PTPRT: variants seen among roughly 807,000 people sequenced by gnomAD.
PTPRT encodes receptor-type tyrosine-protein phosphatase T.
A neutral mutation model predicts 176.8 loss-of-function variants in PTPRT; 56 were observed. The observed-to-expected ratio is 0.32, with a 90% CI of 0.26 to 0.40. PTPRT has a LOEUF of 0.40. Ranked by LOEUF, PTPRT falls within the 10% of genes least tolerant of loss-of-function variation. PTPRT has a pLI of 1.00. For missense variants in PTPRT, 1,540 were observed against 1,908.2 expected, an observed-to-expected ratio of 0.81 and a Z score of 3.60; for synonymous variants, 783 against 739.0, an observed-to-expected ratio of 1.06 and a Z score of -0.96.
intron 7 of PTPRT, among the ~76,000 whole-genome samples, chr20:42,498,164 A>G (rs1461434181): frequency 1.3e-5 from 2 of 152,202 alleles, no homozygotes; most frequent in Admixed American, 1.3e-4. Context: ...GATGTACTGG[A>G]AAGATGAACT....
chr20:42,424,237 T>G (rs2059143887), intron 9 of PTPRT, among the ~76,000 whole-genome samples: 1 of 152,228 alleles, frequency 6.6e-6, no homozygotes, highest in Admixed American at 6.5e-5. Flanking sequence ...AAAACCTTTT[T>G]GTCCCCAGCT....
intron 6 of PTPRT, among the ~76,000 whole-genome samples, chr20:42,743,582 A>G (rs1600688259): frequency 2.0e-5 from 3 of 152,314 alleles, no homozygotes; most frequent in South Asian, 4.1e-4. Flanking sequence ...ATTTTGACAA[A>G]TAGTCAAGTC....
chr20:42,157,068 T>C (rs1267291796), intron 17 of PTPRT, among the ~76,000 whole-genome samples: 5 of 152,148 alleles, frequency 3.3e-5, no homozygotes, highest in East Asian at 1.9e-4. Context: ...ATTACTCTTA[T>C]CCCTTGCTCA....
At chr20:42,493,113 G>A (rs901611908) in intron 7 of PTPRT, among the ~76,000 whole-genome samples, 8 of 152,090 alleles carry the variant, frequency 5.3e-5, no homozygotes, top group African/African-American at 1.7e-4. Flanking sequence ...TAAATACTAT[G>A]TGCCAGGGAC....
At chr20:42,333,754 G>A (rs2058001226) in intron 11 of PTPRT, among the ~76,000 whole-genome samples, 2 of 152,136 alleles carry the variant, frequency 1.3e-5, no homozygotes, top group Admixed American at 6.5e-5. Context: ...TCTCGGCTCA[G>A]AGCAATCTCT....
chr20:42,571,199 A>G (rs535091794), intron 7 of PTPRT, among the ~76,000 whole-genome samples: 2 of 152,262 alleles, frequency 1.3e-5, no homozygotes, highest in African/African-American at 2.4e-5. Flanking sequence ...TGATGAACAA[A>G]TAAGATGACA....
intron 1 of PTPRT, among the ~76,000 whole-genome samples, chr20:43,170,102 C>T (rs762764345): frequency 4.0e-5 from 6 of 151,872 alleles, no homozygotes; most frequent in Non-Finnish European, 7.4e-5. Context: ...GTCTAATACA[C>T]AACAGCAATG....
chr20:42,736,699 T>C (rs971035502), intron 6 of PTPRT, among the ~76,000 whole-genome samples: 2 of 152,154 alleles, frequency 1.3e-5, no homozygotes, highest in Non-Finnish European at 2.9e-5. Flanking sequence ...AGACTATGGC[T>C]GGAGAGAGAC....
At chr20:42,941,297 T>G in intron 1 of PTPRT, among the ~76,000 whole-genome samples, 1 of 152,116 alleles carries the variant, frequency 6.6e-6, no homozygotes, top group Admixed American at 6.5e-5. Flanking sequence ...ATTCAAAGGA[T>G]TCAAAAATCA....
intron 6 of PTPRT, among the ~76,000 whole-genome samples, chr20:42,715,488 T>C (rs563661471): frequency 3.2e-4 from 48 of 152,224 alleles, no homozygotes; most frequent in South Asian, 6.2e-4. Flanking sequence ...AAAAATCTGA[T>C]GACTAAAAAC....
intron 7 of PTPRT, among the ~76,000 whole-genome samples, chr20:42,632,181 T>A (rs2074421283): frequency 6.6e-6 from 1 of 152,136 alleles, no homozygotes; most frequent in South Asian, 2.1e-4. Flanking sequence ...GAAGCATTGC[T>A]GGCACAACCC....
At chr20:43,092,558 C>T (rs1568780244) in intron 1 of PTPRT, among the ~76,000 whole-genome samples, 2 of 152,236 alleles carry the variant, frequency 1.3e-5, no homozygotes, top group African/African-American at 2.4e-5. Context: ...GCTTCCCAAA[C>T]ATACGATGGA....
intron 16 of PTPRT, among the ~76,000 whole-genome samples, chr20:42,187,754 G>A (rs1490375465): frequency 2.0e-5 from 3 of 152,218 alleles, no homozygotes; most frequent in African/African-American, 2.4e-5. Context: ...CCAGGATCCA[G>A]GTGATTTCCA....
chr20:42,219,697 A>T (rs1387232207), intron 15 of PTPRT, among the ~76,000 whole-genome samples: 1 of 152,200 alleles, frequency 6.6e-6, no homozygotes, highest in Admixed American at 6.5e-5. Context: ...GTGTAGGAAA[A>T]AGAAGACCAG....
At chr20:42,049,507 AACT>A in the PTPRT span, among the ~76,000 whole-genome samples, 2 of 152,222 alleles carry the variant, frequency 1.3e-5, no homozygotes, top group Admixed American at 1.3e-4. Flanking sequence ...GGGAACCTGG[AACT>A]ACTCCTATAA....
chr20:43,123,621 A>T (rs181856376), intron 1 of PTPRT, among the ~76,000 whole-genome samples: 1 of 152,350 alleles, frequency 6.6e-6, no homozygotes, highest in Admixed American at 6.5e-5. Context: ...TTTCAACTGT[A>T]AAGTGCCACA....
intron 16 of PTPRT, among the ~76,000 whole-genome samples, chr20:42,182,312 G>C (rs537934849): frequency 6.6e-6 from 1 of 152,152 alleles, no homozygotes; most frequent in Non-Finnish European, 1.5e-5. Flanking sequence ...TAGGCAAATG[G>C]CTATTTCATA....
intron 22 of PTPRT, among the ~76,000 whole-genome samples, chr20:42,114,855 C>T (rs917439966): frequency 1.2e-4 from 19 of 152,202 alleles, no homozygotes; most frequent in African/African-American, 4.3e-4. Flanking sequence ...TTCACTGGTT[C>T]CTCCTCCCTC....
chr20:42,412,297 A>G (rs748187505), intron 9 of PTPRT, among the ~76,000 whole-genome samples: 4 of 152,224 alleles, frequency 2.6e-5, no homozygotes, highest in Admixed American at 1.3e-4. Context: ...GACAAAAAGC[A>G]CATGAAAAAT....
Sources: gnomAD v4.1 joint callset for allele counts (sites outside exome capture counted in the v4.1 genomes callset) on GRCh38, gnomAD v4.1.1 for gene constraint, MANE v1.5 for transcripts, NCBI Gene and HGNC (gene_info 2026-07-23, HGNC 2026-07-21) for gene names.